Variants in IL1RAPL2 observed in about 807,000 individuals in gnomAD.
The protein encoded by IL1RAPL2 is interleukin 1 receptor accessory protein like 2.
IL1RAPL2 carries 3 observed loss-of-function variants against 44.1 expected under a neutral mutation model. The ratio of observed to expected loss-of-function variants is 0.07; its 90% confidence interval spans 0.03 to 0.18. The LOEUF (loss-of-function observed/expected upper bound fraction) is 0.18. Among genes scored for constraint, IL1RAPL2 ranks in the 10% least tolerant of loss-of-function variants. IL1RAPL2 has a pLI of 1.00. For synonymous variants in IL1RAPL2, 181 were observed against 178.8 expected (o/e 1.01, Z -0.10); for missense variants, 391 against 496.4 (o/e 0.79, Z 2.02).
intron 2 of IL1RAPL2, among the ~76,000 whole-genome samples, chrX:104,860,062 T>C (rs1922455253): frequency 8.9e-6 from 1 of 112,200 alleles, no homozygotes; most frequent in Non-Finnish European, 1.9e-5. Flanking sequence ...TAAAAATCCA[T>C]TTAATGGAGA....
At chrX:104,953,028 T>G (rs1424308410) in intron 2 of IL1RAPL2, among the ~76,000 whole-genome samples, 3 of 112,234 alleles carry the variant, frequency 2.7e-5, no homozygotes, top group Non-Finnish European at 5.6e-5. Context: ...TCTTCTTGGG[T>G]AGCTTGTAAA....
At chrX:105,569,020 G>T (rs760166026) in intron 6 of IL1RAPL2, among the ~76,000 whole-genome samples, 1 of 111,266 alleles carries the variant, frequency 9.0e-6, no homozygotes, top group Non-Finnish European at 1.9e-5. Context: ...AGAAAGTAAT[G>T]TGTATATACT....
chrX:105,040,646 T>G (rs1256020227), intron 2 of IL1RAPL2, among the ~76,000 whole-genome samples: 7 of 110,802 alleles, frequency 6.3e-5, no homozygotes, highest in African/African-American at 2.0e-4. Context: ...CCATTTCTTC[T>G]AGATTTTCTA....
chrX:105,547,804 C>T (rs1411584092), intron 6 of IL1RAPL2, among the ~76,000 whole-genome samples: 4 of 112,374 alleles, frequency 3.6e-5, no homozygotes, highest in African/African-American at 1.3e-4. Context: ...GTTAATATCT[C>T]TTTGCAAAAC....
At chrX:104,597,578 A>G (rs1928791410) in intron 1 of IL1RAPL2, among the ~76,000 whole-genome samples, 1 of 111,789 alleles carries the variant, frequency 8.9e-6, no homozygotes, top group Non-Finnish European at 1.9e-5. Flanking sequence ...GCCATGAAGA[A>G]GAAGAGTTTG....
chrX:104,992,973 A>G (rs2030688935), intron 2 of IL1RAPL2, among the ~76,000 whole-genome samples: 1 of 111,198 alleles, frequency 9.0e-6, no homozygotes, highest in South Asian at 3.7e-4. Flanking sequence ...AAAACTCACC[A>G]TTACCTGTTT....
intron 2 of IL1RAPL2, among the ~76,000 whole-genome samples, chrX:104,886,603 C>G (rs974844392): frequency 6.2e-5 from 7 of 112,286 alleles, no homozygotes; most frequent in Non-Finnish European, 9.4e-5. Flanking sequence ...GCAGTAATTC[C>G]TGTATATCCA....
At position 105,138,247 on chromosome X, in the gene IL1RAPL2, T is replaced by C. The variant is rs368423603; in HGVS notation, c.83-57228T>C. ...CTACCTCAACTGATCAGGAAGAAAA[T>C]CCATTTATTTCAAATAAATTTGAAA... On this transcript the variant is annotated intron_variant, in intron 2 of 10. Transcript: ENST00000372582. 1.9e-4 allele frequency among the ~76,000 whole-genome samples: 21 copies of C among 110,802 alleles called. No individual in the cohort carries two copies. The East Asian group carries it at 5.7e-3, about 30-fold the overall frequency.
At chrX:105,189,407 T>C (rs1298000939) in intron 2 of IL1RAPL2, among the ~76,000 whole-genome samples, 1 of 111,545 alleles carries the variant, frequency 9.0e-6, no homozygotes, top group Non-Finnish European at 1.9e-5. Context: ...ATTTTTGTAT[T>C]CTTAGTAGAG....
At chrX:104,616,607 T>C (rs1197279038) in intron 1 of IL1RAPL2, among the ~76,000 whole-genome samples, 1 of 112,132 alleles carries the variant, frequency 8.9e-6, no homozygotes, top group Non-Finnish European at 1.9e-5. Flanking sequence ...GACCCTGCAC[T>C]TGATGGATCA....
chrX:105,071,559 CA>C (rs1213720934), intron 2 of IL1RAPL2, among the ~76,000 whole-genome samples: 1 of 110,822 alleles, frequency 9.0e-6, no homozygotes, highest in Non-Finnish European at 1.9e-5. Context: ...CCCAAAGAGC[CA>C]AAACAATCTT....
chrX:105,656,402 T>C (rs1464693365), intron 6 of IL1RAPL2, among the ~76,000 whole-genome samples: 1 of 111,656 alleles, frequency 9.0e-6, no homozygotes, highest in East Asian at 2.8e-4. Context: ...TAATAGCAAG[T>C]CTTCATATCA....
intron 2 of IL1RAPL2, among the ~76,000 whole-genome samples, chrX:104,729,628 T>G (rs781037850): frequency 5.8e-4 from 63 of 108,439 alleles, no homozygotes; most frequent in Non-Finnish European, 1.1e-3. Context: ...TAGTACCCAA[T>G]AGTTTTTTTT....
chrX:105,176,271 C>G (rs768380270), intron 2 of IL1RAPL2, among the ~76,000 whole-genome samples: 1 of 110,990 alleles, frequency 9.0e-6, no homozygotes, highest in Non-Finnish European at 1.9e-5. Flanking sequence ...GTAACTACAC[C>G]CATTTCCCAG....
At chrX:105,373,081 GAGTA>G (rs763427753) in intron 5 of IL1RAPL2, among the ~76,000 whole-genome samples, 26 of 112,762 alleles carry the variant, frequency 2.3e-4, no homozygotes, top group African/African-American at 7.7e-4. Flanking sequence ...TTAGGTCTTT[GAGTA>G]AGTGTCACAC....
intron 2 of IL1RAPL2, among the ~76,000 whole-genome samples, chrX:105,086,859 C>T (rs1467579960): frequency 9.1e-6 from 1 of 110,356 alleles, no homozygotes; most frequent in Non-Finnish European, 1.9e-5. Context: ...TCATATTACG[C>T]AGTGCAGATC....
chrX:104,665,017 A>G (rs1930463926), intron 2 of IL1RAPL2, among the ~76,000 whole-genome samples: 1 of 111,040 alleles, frequency 9.0e-6, no homozygotes, highest in Non-Finnish European at 1.9e-5. Flanking sequence ...AGTCAGAGTG[A>G]TATGTTCAAA....
chrX:104,568,794 A>G (rs537308603), intron 1 of IL1RAPL2, among the ~76,000 whole-genome samples: 3 of 111,529 alleles, frequency 2.7e-5, no homozygotes, highest in African/African-American at 9.8e-5. Flanking sequence ...AGAAGTGCCT[A>G]TCTTCGCCAC....
intron 2 of IL1RAPL2, among the ~76,000 whole-genome samples, chrX:104,720,563 G>T (rs1478547360): frequency 1.8e-5 from 2 of 111,290 alleles, no homozygotes; most frequent in African/African-American, 6.5e-5. Context: ...GCTACTAGCT[G>T]GGCACATACC....
Sources: gnomAD v4.1 joint callset for allele counts (sites outside exome capture counted in the v4.1 genomes callset) on GRCh38, gnomAD v4.1.1 for gene constraint, MANE v1.5 for transcripts, NCBI Gene and HGNC (gene_info 2026-07-23, HGNC 2026-07-21) for gene names.